KCNMA1: variants seen among roughly 807,000 people sequenced by gnomAD.
The protein encoded by KCNMA1 is Calcium-activated potassium channel subunit alpha-1.
In KCNMA1, 29 loss-of-function variants were observed where a neutral mutation model predicts 140.0. The observed-to-expected ratio is 0.21, with a 90% CI of 0.15 to 0.28. The LOEUF is 0.28. KCNMA1 is among the 10% of genes least tolerant of loss of function. KCNMA1 has a pLI of 1.00. For missense variants in KCNMA1, 880 were observed against 1,602.2 expected, an observed-to-expected ratio of 0.55 and a Z score of 7.70; for synonymous variants, 612 against 611.9, an observed-to-expected ratio of 1.00 and a Z score of 0.00.
intron 25 of KCNMA1, among the ~76,000 whole-genome samples, chr10:76,895,829 C>T (rs779323283): frequency 1.3e-5 from 2 of 152,114 alleles, no homozygotes; most frequent in Non-Finnish European, 2.9e-5. Context: ...TTCCATGATG[C>T]CCCCTGAGCC....
intron 19 of KCNMA1, among the ~76,000 whole-genome samples, chr10:76,987,115 T>G (rs1043558134): frequency 6.6e-6 from 1 of 151,966 alleles, no homozygotes; most frequent in African/African-American, 2.4e-5. Context: ...CCTTTTTCCT[T>G]GAGATACATG....
intron 20 of KCNMA1, among the ~76,000 whole-genome samples, chr10:76,965,521 G>A (rs990753612): frequency 3.1e-4 from 47 of 152,290 alleles, no homozygotes; most frequent in African/African-American, 9.9e-4. Flanking sequence ...AAAACCTTCA[G>A]GGGTTCCCTA....
chr10:76,938,763 C>T (rs2152798074), intron 23 of KCNMA1, among the ~76,000 whole-genome samples: 1 of 152,324 alleles, frequency 6.6e-6, no homozygotes, highest in African/African-American at 2.4e-5. Flanking sequence ...TGTATTGGGG[C>T]CAAATTGTAC....
rs567704783 is a variant in KCNMA1, at chr10:77,309,136, C to T, written c.541-57880G>A. The stretch of plus-strand genomic sequence containing the variant: ...TTTTGTGACCAAAACTGTATTTCCT[C>T]GGTTGATCCAACATCAGCATCTTTG... On this transcript the variant is annotated intron_variant, in intron 2 of 27. Transcript: ENST00000286628. Among the ~76,000 whole-genome samples the T allele has an allele frequency of 1.8e-4, 28 of 152,310 alleles. 1 individual carries two copies. The highest frequency in any genetic ancestry group is 1.4e-3 in the Admixed American group (22 of 15,308).
Position 76,952,020 on chromosome 10 carries a change from T to C in KCNMA1, c.2484+1781A>G, listed in dbSNP as rs1476507842. 3.9e-6 allele frequency: 6 copies of C among 1,551,072 alleles called. No individual in the cohort carries two copies. In the South Asian group the frequency reaches 5.9e-5, roughly 15 times the overall value. ...TTAAATGATGTTATTTTTCATAGGA[T>C]AGAAGTAGTAACTCACCTCCTTAAA... is the stretch of plus-strand genomic sequence containing the variant. On this transcript the variant is annotated intron_variant, in intron 21 of 27. Transcript: ENST00000286628.
At chr10:77,417,054 C>T (rs2096757652) in intron 1 of KCNMA1, among the ~76,000 whole-genome samples, 1 of 152,150 alleles carries the variant, frequency 6.6e-6, no homozygotes, top group East Asian at 1.9e-4. Context: ...TCCTGACTGC[C>T]ACACCTCCGT....
Position 77,059,000 on chromosome 10 carries a change from T to C in KCNMA1, c.1749+14097A>G, listed in dbSNP as rs149122769. On this transcript the variant is annotated intron_variant, in intron 14 of 27. Transcript: ENST00000286628. ...TGACAAATAAGAGAGAAGACACAAA[T>C]AACAAAATCAAGAATGAAAGAGTGG... 6.1e-3 allele frequency among the ~76,000 whole-genome samples: 932 copies of C among 151,586 alleles called. 12 individuals are homozygous for C. The highest frequency in any genetic ancestry group is 0.021 in the African/African-American group (886 of 41,370).
intron 15 of KCNMA1, among the ~76,000 whole-genome samples, chr10:77,032,959 C>G (rs986383335): frequency 1.3e-5 from 2 of 152,040 alleles, no homozygotes; most frequent in Non-Finnish European, 2.9e-5. Context: ...GAAGAAAATA[C>G]AAAGAGGAGG....
At chr10:77,454,428 AAC>A (rs1178482658) in intron 1 of KCNMA1, among the ~76,000 whole-genome samples, 2 of 152,242 alleles carry the variant, frequency 1.3e-5, no homozygotes, top group African/African-American at 2.4e-5. Context: ...TCTGTTTGCT[AAC>A]AGTGTCACAT....
At chr10:77,103,325 T>A (rs2097137948) in intron 9 of KCNMA1, among the ~76,000 whole-genome samples, 1 of 152,196 alleles carries the variant, frequency 6.6e-6, no homozygotes, top group African/African-American at 2.4e-5. Flanking sequence ...TACAGGCTCC[T>A]GAGGGTGAAT....
intron 2 of KCNMA1, among the ~76,000 whole-genome samples, chr10:77,337,535 G>A (rs1257934812): frequency 1.3e-5 from 2 of 152,192 alleles, no homozygotes; most frequent in South Asian, 2.1e-4. Context: ...CAGGAGACTC[G>A]CTTGAGCCCG....
intron 15 of KCNMA1, among the ~76,000 whole-genome samples, chr10:77,031,914 G>A (rs965267141): frequency 3.3e-5 from 5 of 152,180 alleles, no homozygotes; most frequent in African/African-American, 1.2e-4. Context: ...TGACTGGCTG[G>A]AGGGATGGAG....
intron 1 of KCNMA1, among the ~76,000 whole-genome samples, chr10:77,618,131 T>C (rs1567901295): frequency 6.6e-6 from 1 of 152,158 alleles, no homozygotes; most frequent in Non-Finnish European, 1.5e-5. Context: ...AGCAGAGACC[T>C]TCAGGGGCCC....
chr10:77,154,159 ACT>A (rs147555403), intron 5 of KCNMA1, among the ~76,000 whole-genome samples: 2,590 of 151,684 alleles, frequency 0.017, 74 homozygotes, highest in African/African-American at 0.059. Flanking sequence ...GCTTGAACTC[ACT>A]CTGTCCTGCC....
Position 77,027,905 on chromosome 10 carries a change from G to A in KCNMA1, c.1860-14C>T. On this transcript the variant is annotated splice_polypyrimidine_tract_variant and intron_variant, in intron 15 of 27. Transcript: ENST00000286628. ...ACAAAACACAGCCTGCAATGAGATG[G>A]AGAAGCCTCCCAATCAGTTCTTCTG... The A allele has an allele frequency of 6.2e-7, 1 of 1,611,048 alleles. No homozygotes were observed.
At chr10:77,444,188 CTA>C (rs1270922097) in intron 1 of KCNMA1, among the ~76,000 whole-genome samples, 1 of 152,162 alleles carries the variant, frequency 6.6e-6, no homozygotes, top group Non-Finnish European at 1.5e-5. Flanking sequence ...CGTTTTGAGA[CTA>C]TGAGGCTCTA....
chr10:76,933,731 T>C (rs372979489), intron 23 of KCNMA1, among the ~76,000 whole-genome samples: 4 of 152,262 alleles, frequency 2.6e-5, no homozygotes, highest in East Asian at 1.9e-4. Flanking sequence ...ACTGAAAACA[T>C]CTGGTAGAAC....
intron 3 of KCNMA1, among the ~76,000 whole-genome samples, chr10:77,210,626 C>G (rs986671556): frequency 6.6e-6 from 1 of 152,158 alleles, no homozygotes; most frequent in Non-Finnish European, 1.5e-5. Context: ...GTCAAACTAC[C>G]TCTCTTCACT....
At chr10:77,452,495 G>C (rs554533063) in intron 1 of KCNMA1, among the ~76,000 whole-genome samples, 30 of 152,332 alleles carry the variant, frequency 2.0e-4, no homozygotes, top group African/African-American at 7.2e-4. Context: ...ATTTATAATT[G>C]ACAAGGTTGC....
Sources: allele counts gnomAD v4.1 joint callset (sites outside exome capture counted in the v4.1 genomes callset), GRCh38; gene constraint gnomAD v4.1.1; transcripts MANE v1.5; gene names NCBI Gene and HGNC (gene_info 2026-07-23, HGNC 2026-07-21).